PSMD1: variants seen among roughly 807,000 people sequenced by gnomAD.
PSMD1 encodes the protein proteasome 26S subunit, non-ATPase 1.
PSMD1 carries 18 observed loss-of-function variants against 119.0 expected under a neutral mutation model. The observed-to-expected ratio is 0.15, with a 90% CI of 0.10 to 0.22. PSMD1 has a LOEUF of 0.22. Among genes scored for constraint, PSMD1 ranks in the 10% least tolerant of loss-of-function variants. The pLI, the probability that PSMD1 is intolerant of heterozygous loss-of-function variation, is 1.00. For synonymous variants in PSMD1, 374 were observed against 396.6 expected (o/e 0.94, Z 0.68); for missense variants, 702 against 1,158.5 (o/e 0.61, Z 5.72).
intron 19 of PSMD1, 82 bp from the exon 20 acceptor site, chr2:231,161,258 A>G (rs1218864023): frequency 6.1e-6 from 8 of 1,308,942 alleles, no homozygotes; most frequent in Middle Eastern, 1.9e-4. Flanking sequence ...AAAAAGAAAG[A>G]AAGAAAGATA....
At chr2:231,150,392 A>G (rs905890109) in intron 18 of PSMD1, among the ~76,000 whole-genome samples, 1 of 151,912 alleles carries the variant, frequency 6.6e-6, no homozygotes, top group African/African-American at 2.4e-5. Context: ...AGATATATAC[A>G]GATATATATA....
chr2:231,078,781 A>T, intron 10 of PSMD1, 34 bp downstream of exon 10: 1 of 1,355,828 alleles, frequency 7.4e-7, no homozygotes, highest in East Asian at 2.5e-5. Flanking sequence ...CTTTGGTTCA[A>T]AATCTTTTTC....
chr2:231,122,645 G>A (rs918158915), intron 16 of PSMD1, among the ~76,000 whole-genome samples: 1 of 152,088 alleles, frequency 6.6e-6, no homozygotes, highest in African/African-American at 2.4e-5. Flanking sequence ...ATGATATGCA[G>A]AAATCTGGAA....
chr2:231,058,742 G>C (rs1297065900), intron 1 of PSMD1, among the ~76,000 whole-genome samples: 3 of 151,786 alleles, frequency 2.0e-5, no homozygotes, highest in African/African-American at 7.3e-5. Flanking sequence ...TGGACTTTTT[G>C]TTCCTTGGAT....
intron 19 of PSMD1, among the ~76,000 whole-genome samples, chr2:231,154,580 G>T (rs1038484264): frequency 7.2e-5 from 11 of 152,132 alleles, no homozygotes; most frequent in African/African-American, 2.4e-5. Flanking sequence ...CAATCATCTT[G>T]CCTCAGCCTC....
At chr2:231,144,264 T>C (rs1219304857) in intron 17 of PSMD1, among the ~76,000 whole-genome samples, 1 of 151,178 alleles carries the variant, frequency 6.6e-6, no homozygotes, top group African/African-American at 2.4e-5. Flanking sequence ...TTTTTTTTTT[T>C]TTTGGAGACA....
intron 16 of PSMD1, among the ~76,000 whole-genome samples, chr2:231,129,646 G>C (rs921967501): frequency 1.2e-4 from 18 of 152,150 alleles, no homozygotes; most frequent in African/African-American, 3.9e-4. Context: ...CTTGTGGTAA[G>C]TTATATGTAT....
chr2:231,103,215 C>T (rs1473951373), intron 16 of PSMD1, among the ~76,000 whole-genome samples: 1 of 152,184 alleles, frequency 6.6e-6, no homozygotes, highest in Non-Finnish European at 1.5e-5. Flanking sequence ...ACCCATATAG[C>T]ATGGTATTTC....
chr2:231,132,182 T>C (rs1037049749), intron 16 of PSMD1, among the ~76,000 whole-genome samples: 1 of 152,232 alleles, frequency 6.6e-6, no homozygotes, highest in Non-Finnish European at 1.5e-5. Flanking sequence ...CAGAAAACTT[T>C]TCTACTAAAG....
chr2:231,141,516 A>G (rs1434236191), intron 17 of PSMD1, among the ~76,000 whole-genome samples: 2 of 150,218 alleles, frequency 1.3e-5, no homozygotes, highest in South Asian at 4.2e-4. Context: ...TGCAGCCTCA[A>G]TCTCCCAGTC....
intron 16 of PSMD1, among the ~76,000 whole-genome samples, chr2:231,137,318 G>A (rs1048601377): frequency 2.0e-5 from 3 of 151,592 alleles, no homozygotes; most frequent in Non-Finnish European, 4.4e-5. Flanking sequence ...GTTTCACCAT[G>A]TTGGCCATCT....
intron 19 of PSMD1, among the ~76,000 whole-genome samples, chr2:231,154,067 C>T (rs986528671): frequency 2.0e-5 from 3 of 150,610 alleles, no homozygotes; most frequent in Non-Finnish European, 3.0e-5. Context: ...GAGTCGAGAT[C>T]GCGCCATTGC....
intron 18 of PSMD1, among the ~76,000 whole-genome samples, chr2:231,152,099 A>T (rs1696389547): frequency 6.6e-6 from 1 of 151,992 alleles, no homozygotes; most frequent in African/African-American, 2.4e-5. Context: ...TACAGTCATG[A>T]CCCACCTCAC....
At chr2:231,066,841 G>A (rs1693920145) in intron 4 of PSMD1, 65 bp from the exon 5 acceptor site, 4 of 1,257,092 alleles carry the variant, frequency 3.2e-6, no homozygotes, top group Non-Finnish European at 4.4e-6. Context: ...ATAAATATAG[G>A]CATTGCCCTT....
At chr2:231,108,729 A>G (rs767186336) in intron 16 of PSMD1, 1 of 1,614,036 alleles carries the variant, frequency 6.2e-7, no homozygotes, top group Non-Finnish European at 8.5e-7. Flanking sequence ...ATCTTACTGG[A>G]GCGTTTTCTG....
At chr2:231,080,815 G>C (rs1289155180) in intron 12 of PSMD1, among the ~76,000 whole-genome samples, 1 of 152,124 alleles carries the variant, frequency 6.6e-6, no homozygotes, top group Non-Finnish European at 1.5e-5. Context: ...AGTTAAGTGA[G>C]CCAGAAAACC....
At chr2:231,141,858 GTTT>G (rs1181005540) in intron 17 of PSMD1, among the ~76,000 whole-genome samples, 2 of 151,696 alleles carry the variant, frequency 1.3e-5, no homozygotes, top group Non-Finnish European at 2.9e-5. Context: ...TTTTATTTTT[GTTT>G]TTATTTATTT....
chr2:231,078,841 C>A, intron 10 of PSMD1, 94 bp downstream of exon 10: 2 of 862,430 alleles, frequency 2.3e-6, no homozygotes, highest in South Asian at 2.0e-5. Context: ...GTGGCCCAGG[C>A]CGGAGGGCAG....
intron 17 of PSMD1, among the ~76,000 whole-genome samples, chr2:231,140,544 T>A (rs937007560): frequency 1.3e-5 from 2 of 151,198 alleles, no homozygotes; most frequent in Non-Finnish European, 2.9e-5. Context: ...CAAATAAGTT[T>A]TTCTAGTCAC....
Sources: allele counts gnomAD v4.1 joint callset (sites outside exome capture counted in the v4.1 genomes callset), GRCh38; gene constraint gnomAD v4.1.1; transcripts MANE v1.5; gene names NCBI Gene and HGNC (gene_info 2026-07-23, HGNC 2026-07-21).